The following ATP2C1 variants were observed in gnomAD, a reference collection of about 807,000 sequenced individuals.
ATP2C1 encodes the protein calcium-transporting ATPase type 2C member 1.
A neutral mutation model predicts 120.5 loss-of-function variants in ATP2C1; 31 were observed. The observed-to-expected ratio is 0.26, with a 90% CI of 0.19 to 0.35. The LOEUF is 0.35. Ranked by LOEUF, ATP2C1 falls within the 10% of genes least tolerant of loss-of-function variation. The pLI is 1.00. For synonymous variants in ATP2C1, 351 were observed against 358.7 expected (o/e 0.98, Z 0.24); for missense variants, 731 against 1,107.5 (o/e 0.66, Z 4.83).
At chr3:131,015,973 C>T (rs752758199) in intron 26 of ATP2C1, 40 of 820,218 alleles carry the variant, frequency 4.9e-5, no homozygotes, top group East Asian at 1.9e-4. Flanking sequence ...ATATTTTTCC[C>T]GTTTCCAGCT....
intron 27 of ATP2C1, among the ~76,000 whole-genome samples, chr3:131,000,932 CT>C (rs902340839): frequency 4.6e-5 from 7 of 151,550 alleles, no homozygotes. Context: ...GTGAAACCCC[CT>C]CTCTACTAAA....
Position 130,963,995 on chromosome 3 carries a change from A to G in ATP2C1, c.924A>G (p.Glu308=). Reference sequence around the variant, plus strand: ...GTTTGGCTGTAGCAGCAATTCCTGAAGGTCTCCCCATTGTGGTCACAGTGA... The same window carrying G: ...GTTTGGCTGTAGCAGCAATTCCTGAGGGTCTCCCCATTGTGGTCACAGTGA... ...SVSLAVAAIP[E]GLPIVVTVTL... is the part of the protein sequence containing the mutation. Residue 308 remains glutamate (E), a synonymous_variant, in exon 13 of 28, where the codon GAA becomes GAG. Coordinates refer to ENST00000510168, the MANE Select transcript of ATP2C1 (RefSeq NM_001378687.1). 1 of 1,612,788 alleles carries G rather than the reference A, an allele frequency of 6.2e-7. No individual in the cohort carries two copies. The highest frequency in any genetic ancestry group is 8.5e-7 in the Non-Finnish European group (1 of 1,179,008).
intron 4 of ATP2C1, among the ~76,000 whole-genome samples, chr3:130,933,897 G>A (rs2059557996): frequency 6.6e-6 from 1 of 152,144 alleles, no homozygotes; most frequent in South Asian, 2.1e-4. Context: ...TTTCTGGTGG[G>A]ATGGATTCTT....
At chr3:130,924,526 T>C (rs2059116032) in intron 2 of ATP2C1, among the ~76,000 whole-genome samples, 1 of 152,196 alleles carries the variant, frequency 6.6e-6, no homozygotes, top group Non-Finnish European at 1.5e-5. Context: ...CATCTTGACT[T>C]TAGGTAATGA....
chr3:130,937,411 C>T lies in ATP2C1; in HGVS notation c.325-17C>T, dbSNP rs2059719049. 5 of 1,610,966 alleles carry T rather than the reference C, an allele frequency of 3.1e-6. No individual in the cohort carries two copies. The East Asian group carries it at 1.1e-4, about 36-fold the overall frequency. On this transcript the variant is annotated splice_polypyrimidine_tract_variant and intron_variant, in intron 5 of 27. Coordinates refer to ENST00000510168, the MANE Select transcript of ATP2C1 (RefSeq NM_001378687.1). ...TCAAGTTAATGTCTGATTTAAAAGC[C>T]TGTTTCTTTTGTTTAGGCAATACTT...
chr3:130,872,899 A>C (rs2068481994), intron 1 of ATP2C1, among the ~76,000 whole-genome samples: 3 of 152,132 alleles, frequency 2.0e-5, no homozygotes, highest in Admixed American at 6.6e-5. Flanking sequence ...GTACTTTTCA[A>C]CTCTGAGAAG....
At chr3:130,908,797 T>C (rs2108082397) in intron 2 of ATP2C1, among the ~76,000 whole-genome samples, 1 of 152,318 alleles carries the variant, frequency 6.6e-6, no homozygotes, top group Middle Eastern at 3.4e-3. Flanking sequence ...ATATAATCCC[T>C]GTTGGTATCC....
At chr3:130,947,251 T>TA (rs932163289) in intron 8 of ATP2C1, among the ~76,000 whole-genome samples, 29 of 147,994 alleles carry the variant, frequency 2.0e-4, no homozygotes, top group Non-Finnish European at 2.1e-4. Context: ...TCCACCACAT[T>TA]AAAAAAAAAA....
At chr3:130,958,478 C>A (rs570762897) in intron 11 of ATP2C1, among the ~76,000 whole-genome samples, 5 of 151,826 alleles carry the variant, frequency 3.3e-5, no homozygotes, top group African/African-American at 1.2e-4. Context: ...GGGATAGGAT[C>A]TTAGAAGGTT....
At chr3:130,880,791 T>C (rs2068757436) in intron 1 of ATP2C1, among the ~76,000 whole-genome samples, 1 of 152,250 alleles carries the variant, frequency 6.6e-6, no homozygotes, top group Non-Finnish European at 1.5e-5. Flanking sequence ...TGTCCTGGGC[T>C]AAACTGCAGG....
intron 8 of ATP2C1, among the ~76,000 whole-genome samples, chr3:130,953,486 T>G (rs1440561774): frequency 6.6e-6 from 1 of 152,184 alleles, no homozygotes; most frequent in East Asian, 1.9e-4. Flanking sequence ...TTGACAAAAT[T>G]AGGAAATAAT....
chr3:130,923,071 A>G (rs2059037427), intron 2 of ATP2C1, among the ~76,000 whole-genome samples: 1 of 152,100 alleles, frequency 6.6e-6, no homozygotes, highest in African/African-American at 2.4e-5. Context: ...AAGTTCCCTC[A>G]CTATTATTGT....
At chr3:130,922,249 A>C (rs1486451510) in intron 2 of ATP2C1, among the ~76,000 whole-genome samples, 1 of 152,106 alleles carries the variant, frequency 6.6e-6, no homozygotes, top group Non-Finnish European at 1.5e-5. Flanking sequence ...GTGCATGTAA[A>C]AGTGTTCATA....
chr3:130,900,586 T>C (rs941418774), intron 2 of ATP2C1, among the ~76,000 whole-genome samples: 1 of 152,150 alleles, frequency 6.6e-6, no homozygotes, highest in African/African-American at 2.4e-5. Flanking sequence ...TTTTTGAATA[T>C]GTAAATGTGT....
intron 20 of ATP2C1, among the ~76,000 whole-genome samples, chr3:130,990,694 A>T (rs1183570998): frequency 2.0e-5 from 3 of 152,206 alleles, no homozygotes; most frequent in Non-Finnish European, 4.4e-5. Flanking sequence ...ACTAGGGCAG[A>T]AATAAGAAAA....
At chr3:130,956,803 A>G (rs888803995) in intron 11 of ATP2C1, among the ~76,000 whole-genome samples, 4 of 152,172 alleles carry the variant, frequency 2.6e-5, no homozygotes, top group Non-Finnish European at 4.4e-5. Flanking sequence ...ACAGTTCATT[A>G]TTAGGGAAAC....
chr3:130,898,729 G>T (rs2069866935), intron 2 of ATP2C1, among the ~76,000 whole-genome samples: 1 of 152,046 alleles, frequency 6.6e-6, no homozygotes, highest in African/African-American at 2.4e-5. Context: ...GTCTGTTAAC[G>T]CAAAGCATTA....
intron 2 of ATP2C1, among the ~76,000 whole-genome samples, chr3:130,920,371 G>C (rs1366363847): frequency 6.6e-6 from 1 of 152,096 alleles, no homozygotes; most frequent in Non-Finnish European, 1.5e-5. Flanking sequence ...TGTAAGAAAA[G>C]GGCCCAGTTT....
chr3:130,957,172 C>G (rs1400617829), intron 11 of ATP2C1, among the ~76,000 whole-genome samples: 1 of 152,160 alleles, frequency 6.6e-6, no homozygotes, highest in South Asian at 2.1e-4. Context: ...GTTAAAACAT[C>G]CCCTTTTCCT....
Sources: allele counts gnomAD v4.1 joint callset (sites outside exome capture counted in the v4.1 genomes callset), GRCh38; gene constraint gnomAD v4.1.1; transcripts MANE v1.5; gene names NCBI Gene and HGNC (gene_info 2026-07-23, HGNC 2026-07-21).